The following ASTN1 variants were observed in gnomAD, a reference collection of about 807,000 sequenced individuals.
ASTN1 encodes the protein astrotactin 1, also known as astrotactin-1.
A neutral mutation model predicts 140.7 loss-of-function variants in ASTN1; 41 were observed. That is an observed-to-expected ratio of 0.29 (90% confidence interval 0.23 to 0.38). ASTN1 has a LOEUF of 0.38. Ranked by LOEUF, ASTN1 falls within the 10% of genes least tolerant of loss-of-function variation. ASTN1 has a pLI of 1.00. For synonymous variants in ASTN1, 640 were observed against 652.2 expected (o/e 0.98, Z 0.29); for missense variants, 1,479 against 1,678.8 (o/e 0.88, Z 2.08).
chr1:177,023,600 T>C (rs758617326), intron 6 of ASTN1, 29 bp from the exon 7 acceptor site: 1 of 1,548,396 alleles, frequency 6.5e-7, no homozygotes, highest in Admixed American at 2.1e-5. Flanking sequence ...GAAGCATGCC[T>C]ATATGTGCAA....
At chr1:177,128,235 C>T (rs1382602664) in intron 1 of ASTN1, among the ~76,000 whole-genome samples, 15 of 152,046 alleles carry the variant, frequency 9.9e-5, no homozygotes. Context: ...TTCTCACAAG[C>T]CTTTCTGAAG....
intron 20 of ASTN1, among the ~76,000 whole-genome samples, chr1:176,877,755 C>T (rs998667477): frequency 3.9e-5 from 6 of 152,136 alleles, no homozygotes; most frequent in African/African-American, 1.2e-4. Flanking sequence ...TCTGCTGTGT[C>T]ACCACAGGAG....
Position 176,943,801 on chromosome 1 carries a change from C to T in ASTN1, c.2377+90G>A, listed in dbSNP as rs188875968. 1.1e-5 allele frequency: 16 copies of T among 1,436,542 alleles called. No individual in the cohort carries two copies. The Admixed American group carries it at 3.3e-4, about 29-fold the overall frequency. 89.0% of individuals were successfully genotyped at this position (1,436,542 alleles called of 1,614,324 possible). A position where few individuals can be genotyped will look rare whatever the true frequency, so the allele number is the denominator to read the frequency against. On this transcript the variant is annotated intron_variant, in intron 14 of 22. Transcript: ENST00000361833. ...TGAAGGAAATCACTGGCTTAGAAAC[C>T]AAAATAAGTGAGGTCAAATCTTAAT... is the stretch of plus-strand genomic sequence containing the variant.
At chr1:176,892,330 GAT>G (rs1366636216) in intron 17 of ASTN1, among the ~76,000 whole-genome samples, 3 of 152,178 alleles carry the variant, frequency 2.0e-5, no homozygotes, top group Admixed American at 6.5e-5. Flanking sequence ...ATAGTAGCCT[GAT>G]ATCACAAAGG....
chr1:176,966,086 A>C (rs1207203343), intron 8 of ASTN1, among the ~76,000 whole-genome samples: 2 of 152,220 alleles, frequency 1.3e-5, no homozygotes, highest in East Asian at 3.8e-4. Flanking sequence ...GTGAGTACTG[A>C]GCTATTGCAC....
At chr1:177,152,554 A>G (rs368447647) in intron 1 of ASTN1, among the ~76,000 whole-genome samples, 220 of 152,208 alleles carry the variant, frequency 1.4e-3, no homozygotes, top group African/African-American at 5.0e-3. Flanking sequence ...TTAAAATTCT[A>G]CTAAAGGGCA....
intron 8 of ASTN1, among the ~76,000 whole-genome samples, chr1:176,990,616 CA>C (rs1674113711): frequency 1.3e-5 from 2 of 152,068 alleles, no homozygotes; most frequent in South Asian, 4.2e-4. Context: ...GTAAGTAACA[CA>C]GTAGAAGATG....
At chr1:176,960,036 T>TACACAC (rs898932265) in intron 9 of ASTN1, among the ~76,000 whole-genome samples, 2 of 151,792 alleles carry the variant, frequency 1.3e-5, no homozygotes, top group African/African-American at 4.8e-5. Flanking sequence ...CACACACACA[T>TACACAC]ACACACACAC....
chr1:176,916,899 C>T (rs1670509991), intron 16 of ASTN1, among the ~76,000 whole-genome samples: 1 of 152,176 alleles, frequency 6.6e-6, no homozygotes, highest in Admixed American at 6.5e-5. Flanking sequence ...CTCTGCCTCC[C>T]CGCCCCGCCC....
At chr1:176,857,765 G>T (rs1050925816), downstream of ASTN1, 2 of 416,232 alleles carry the variant, frequency 4.8e-6, no homozygotes, top group African/African-American at 4.1e-5. Flanking sequence ...AGAGGCAGTG[G>T]CTGATTAGGA....
intron 16 of ASTN1, among the ~76,000 whole-genome samples, chr1:176,897,104 G>T (rs974232097): frequency 6.6e-6 from 1 of 151,826 alleles, no homozygotes; most frequent in African/African-American, 2.4e-5. Flanking sequence ...GTGAAACCCC[G>T]TCTCTACTAA....
At chr1:176,935,045 ATCT>A (rs1410889893) in intron 15 of ASTN1, among the ~76,000 whole-genome samples, 1 of 152,148 alleles carries the variant, frequency 6.6e-6, no homozygotes, top group Non-Finnish European at 1.5e-5. Flanking sequence ...CTGCAGGCAA[ATCT>A]TCTTGGATTT....
chr1:176,898,905 T>C (rs1669640237), intron 16 of ASTN1, among the ~76,000 whole-genome samples: 1 of 152,210 alleles, frequency 6.6e-6, no homozygotes, highest in Non-Finnish European at 1.5e-5. Flanking sequence ...ACTGCCTCTC[T>C]GGACAGAAGA....
At chr1:176,942,395 A>G (rs768170560) in intron 14 of ASTN1, among the ~76,000 whole-genome samples, 7 of 152,124 alleles carry the variant, frequency 4.6e-5, no homozygotes, top group Non-Finnish European at 1.0e-4. Context: ...GCTATATTAT[A>G]TCAGACAGAC....
At chr1:177,145,556 G>C (rs1682683405) in intron 1 of ASTN1, among the ~76,000 whole-genome samples, 2 of 152,192 alleles carry the variant, frequency 1.3e-5, no homozygotes, top group African/African-American at 4.8e-5. Context: ...AGGTTATTGT[G>C]TGTGTATAAA....
rs780613961 is a variant in ASTN1, at chr1:176,934,255, G to A, written c.2568C>T (p.Tyr856=). 4.3e-6 allele frequency: 7 copies of A among 1,613,974 alleles called. No homozygotes were observed. The highest frequency in any genetic ancestry group is 4.2e-6 in the Non-Finnish European group (5 of 1,179,988). Residue 856 remains tyrosine, a synonymous_variant, in exon 16 of 23, where the codon TAC becomes TAT. Transcript: ENST00000361833. ...CAAAGCCGTAGATAGCTTCCTGGATGTAATGGTTGCCGAACTGGTCCAACA... is the reference window on the plus strand; with the variant it reads ...CAAAGCCGTAGATAGCTTCCTGGATATAATGGTTGCCGAACTGGTCCAACA... ...VALLDQFGNH[Y]IQEAIYGFEE...
chr1:177,081,051 T>C (rs1426119803), intron 1 of ASTN1, among the ~76,000 whole-genome samples: 1 of 152,212 alleles, frequency 6.6e-6, no homozygotes, highest in Non-Finnish European at 1.5e-5. Context: ...ACCCATTTTC[T>C]CTTATTTTCA....
intron 1 of ASTN1, among the ~76,000 whole-genome samples, chr1:177,150,813 T>C (rs1178250598): frequency 6.6e-6 from 1 of 152,186 alleles, no homozygotes; most frequent in Non-Finnish European, 1.5e-5. Context: ...CAATTGCTTA[T>C]TTTTGTAAAT....
downstream of ASTN1, among the ~76,000 whole-genome samples, chr1:176,860,137 G>A (rs939360090): frequency 3.3e-5 from 5 of 152,146 alleles, no homozygotes; most frequent in African/African-American, 1.2e-4. Context: ...AGAGAAGCAG[G>A]CAGAAGCCCT....
Sources: gnomAD v4.1 joint callset for allele counts (sites outside exome capture counted in the v4.1 genomes callset) on GRCh38, gnomAD v4.1.1 for gene constraint, MANE v1.5 for transcripts, NCBI Gene and HGNC (gene_info 2026-07-23, HGNC 2026-07-21) for gene names.